The following ALDH1L2 variants were observed in gnomAD, a reference collection of about 807,000 sequenced individuals.
ALDH1L2 encodes aldehyde dehydrogenase 1 family member L2, also known as mitochondrial 10-formyltetrahydrofolate dehydrogenase.
ALDH1L2 carries 91 observed loss-of-function variants against 111.0 expected under a neutral mutation model. That is an observed-to-expected ratio of 0.82 (90% CI 0.69 to 0.98). The LOEUF (loss-of-function observed/expected upper bound fraction) is 0.98, where lower values mean the gene tolerates loss of function less well. Among genes scored for constraint, ALDH1L2 ranks in the 50% least tolerant of loss-of-function variants. The probability of loss-of-function intolerance (pLI) is 0.00; values close to 1 mark genes in which losing one functional copy is unlikely to be tolerated. For missense variants in ALDH1L2, 995 were observed against 1,126.8 expected, an observed-to-expected ratio of 0.88 and a Z score of 1.67; for synonymous variants, 374 against 392.6, an observed-to-expected ratio of 0.95 and a Z score of 0.56.
At chr12:105,079,535 C>T (rs372626804) in intron 1 of ALDH1L2, among the ~76,000 whole-genome samples, 1 of 152,010 alleles carries the variant, frequency 6.6e-6, no homozygotes, top group East Asian at 1.9e-4. Context: ...GCTCCTGGGC[C>T]GAGGCTGGTG....
At chr12:105,079,273 A>G (rs1878223621) in intron 1 of ALDH1L2, among the ~76,000 whole-genome samples, 1 of 152,202 alleles carries the variant, frequency 6.6e-6, no homozygotes, top group African/African-American at 2.4e-5. Context: ...CAGAAGCAAC[A>G]AGTACACTTT....
chr12:105,051,411 G>A (rs1422365780), intron 12 of ALDH1L2, among the ~76,000 whole-genome samples: 2 of 152,182 alleles, frequency 1.3e-5, no homozygotes, highest in Non-Finnish European at 2.9e-5. Flanking sequence ...CTCCACTGCA[G>A]TGTGGTTTTC....
rs1874209920 is a variant in ALDH1L2 at position 105,022,443 on chromosome 12, A to G, written c.*1981T>C. ...TTAAAACACTGCTACTGAGATGAAT[A>G]TTAGAGGGTAAAGTAAAATCAGTCT... is the stretch of plus-strand genomic sequence containing the variant. On this transcript the variant is annotated 3_prime_UTR_variant, in exon 23 of 23. Coordinates refer to ENST00000258494, the MANE Select transcript of ALDH1L2 (RefSeq NM_001034173.4). 6.6e-6 allele frequency: 1 copy of G among 152,218 alleles called. No individual in the cohort carries two copies. The allele number at this position is 152,218 out of a possible 1,614,324, so 9.4% of individuals were successfully genotyped here. A position where few individuals can be genotyped will look rare whatever the true frequency, so the allele number is the denominator to read the frequency against.
chr12:105,083,939 C>G (rs565764479), intron 1 of ALDH1L2, among the ~76,000 whole-genome samples: 215 of 152,330 alleles, frequency 1.4e-3, no homozygotes, highest in African/African-American at 4.9e-3. Flanking sequence ...AGCGCTTACA[C>G]CTCCCAGGCC....
At chr12:105,030,224 C>A in intron 21 of ALDH1L2, 100 bp downstream of exon 21, 1 of 665,476 alleles carries the variant, frequency 1.5e-6, no homozygotes, top group South Asian at 4.8e-5. Context: ...TAGAAAATTA[C>A]ATGTTCATTA....
intron 6 of ALDH1L2, 111 bp downstream of exon 6, chr12:105,065,156 A>C: frequency 1.6e-6 from 1 of 631,622 alleles, no homozygotes. Context: ...TGAATCACAG[A>C]CCTGCCTCAT....
At chr12:105,050,549 G>C in intron 12 of ALDH1L2, 2 of 364,708 alleles carry the variant, frequency 5.5e-6, no homozygotes, top group South Asian at 2.1e-5. Flanking sequence ...CTATGATACG[G>C]TAAGACTCAT....
chr12:105,073,566 T>G (rs577407696), intron 2 of ALDH1L2, among the ~76,000 whole-genome samples: 1 of 152,344 alleles, frequency 6.6e-6, no homozygotes, highest in African/African-American at 2.4e-5. Context: ...TAGCAATGGA[T>G]TCCCTAGTTT....
chr12:105,039,451 T>A (rs751645311), intron 17 of ALDH1L2, among the ~76,000 whole-genome samples: 1 of 152,236 alleles, frequency 6.6e-6, no homozygotes, highest in African/African-American at 2.4e-5. Context: ...ACAGCTTTAA[T>A]ACAGGAAGTC....
chr12:105,039,859 G>C, intron 16 of ALDH1L2, 53 bp from the exon 17 acceptor site: 1 of 1,533,896 alleles, frequency 6.5e-7, no homozygotes. Context: ...GGCCGGGCGC[G>C]GTGGCTTACG....
chr12:105,062,830 T>C, intron 7 of ALDH1L2, 58 bp downstream of exon 7: 2 of 1,567,386 alleles, frequency 1.3e-6, no homozygotes, highest in Non-Finnish European at 1.7e-6. Flanking sequence ...CCTTAATAGC[T>C]TGGGTTATAG....
intron 2 of ALDH1L2, among the ~76,000 whole-genome samples, chr12:105,073,104 C>T (rs1337858822): frequency 6.6e-6 from 1 of 152,226 alleles, no homozygotes; most frequent in African/African-American, 2.4e-5. Flanking sequence ...TACTCAACTA[C>T]TGTCAATGCT....
At position 105,039,821 on chromosome 12, in the gene ALDH1L2, A is replaced by G. The variant is rs1875412319; in HGVS notation, c.1952-15T>C. 6.2e-7 allele frequency: 1 copy of G among 1,612,470 alleles called. No individual in the cohort carries two copies. The highest frequency in any genetic ancestry group is 1.7e-5 in the Admixed American group (1 of 59,972). ...TGCTATGCCACCTGTAGAATTAGGG[A>G]ATAAAACGGGAATTAAAACATACTC... On this transcript the variant is annotated splice_polypyrimidine_tract_variant and intron_variant, in intron 16 of 22. Transcript: ENST00000258494.
Position 105,021,012 on chromosome 12 carries a change from A to G in ALDH1L2, c.*3412T>C, listed in dbSNP as rs1874133459. The G allele has an allele frequency of 6.6e-6, 1 of 152,330 alleles. No homozygotes were observed. The highest frequency in any genetic ancestry group is 2.4e-5 in the African/African-American group (1 of 41,470). The allele number at this position is 152,330 out of a possible 1,614,324, so 9.4% of individuals were successfully genotyped here. A position where few individuals can be genotyped will look rare whatever the true frequency, so the allele number is the denominator to read the frequency against. On this transcript the variant is annotated 3_prime_UTR_variant, in exon 23 of 23. Transcript: ENST00000258494. ...CAGCACACCCCTGGGAAGAGGAAGA[A>G]TAAGGACAGAGGCCCTGAGGCAGGA...
At chr12:105,054,142 C>T (rs139722202) in intron 10 of ALDH1L2, among the ~76,000 whole-genome samples, 16 of 152,168 alleles carry the variant, frequency 1.1e-4, no homozygotes, top group East Asian at 5.8e-4. Flanking sequence ...TTAAGTAACT[C>T]GCCCAAGGTC....
chr12:105,035,645 T>C (rs1874943488), intron 18 of ALDH1L2, among the ~76,000 whole-genome samples: 1 of 151,978 alleles, frequency 6.6e-6, no homozygotes, highest in South Asian at 2.1e-4. Context: ...AGAAAGCCTC[T>C]CTAACCCCCT....
At chr12:105,027,114 A>G (rs769006809) in intron 21 of ALDH1L2, among the ~76,000 whole-genome samples, 13 of 152,250 alleles carry the variant, frequency 8.5e-5, no homozygotes, top group Non-Finnish European at 1.3e-4. Context: ...GCCTCAAACT[A>G]TCCCCCAACC....
intron 12 of ALDH1L2, chr12:105,050,829 ACAG>A: frequency 3.3e-6 from 1 of 301,962 alleles, no homozygotes; most frequent in South Asian, 2.7e-5. Flanking sequence ...TTTCATGAGA[ACAG>A]CACAGGAAAG....
At chr12:105,041,665 C>T (rs1247484700) in intron 15 of ALDH1L2, among the ~76,000 whole-genome samples, 1 of 152,116 alleles carries the variant, frequency 6.6e-6, no homozygotes, top group Non-Finnish European at 1.5e-5. Context: ...TTCCCTCATT[C>T]CTTTTACGTG....
Sources: gnomAD v4.1 joint callset for allele counts (sites outside exome capture counted in the v4.1 genomes callset) on GRCh38, gnomAD v4.1.1 for gene constraint, MANE v1.5 for transcripts, NCBI Gene and HGNC (gene_info 2026-07-23, HGNC 2026-07-21) for gene names.